Variants in AGO2 observed in about 807,000 individuals in gnomAD.
AGO2 encodes the protein argonaute RISC catalytic component 2.
In AGO2, 5 loss-of-function variants were observed where a neutral mutation model predicts 102.3. The observed-to-expected ratio is 0.05, with a 90% CI of 0.03 to 0.10. The LOEUF is 0.10. AGO2 is among the 10% of genes least tolerant of loss of function. The pLI is 1.00. For missense variants in AGO2, 541 were observed against 1,183.7 expected (o/e 0.46, Z 7.97); for synonymous variants, 449 against 473.1 (o/e 0.95, Z 0.66).
chr8:140,536,651 G>C (rs1407150544), intron 16 of AGO2, among the ~76,000 whole-genome samples: 1 of 152,182 alleles, frequency 6.6e-6, no homozygotes, highest in Non-Finnish European at 1.5e-5. Flanking sequence ...AAGTAGGTTT[G>C]GATTTTGTTC....
At chr8:140,545,086 T>C (rs554199996) in intron 13 of AGO2, among the ~76,000 whole-genome samples, 225 of 152,290 alleles carry the variant, frequency 1.5e-3, no homozygotes, top group African/African-American at 5.1e-3. Flanking sequence ...ACCAGGTACA[T>C]GAGGCCCTCG....
chr8:140,541,193 C>T lies in AGO2; in HGVS notation c.2005G>A (p.Asp669Asn). The stretch of plus-strand genomic sequence containing the variant: ...TGGAACTGGCCTTCAGAGACACCGT[C>T]GCGGTAGAAGATGATGCGGGTGGGC... ...FKPTRIIFYRDGVSEGQFQQV... is the reference protein window; with the variant it reads ...FKPTRIIFYRNGVSEGQFQQV... The change falls in exon 15 of 19, where the codon GAC becomes AAC. Residue 669 changes from aspartate to asparagine, a missense_variant. Asp to Asn is a conservative substitution (Grantham distance 23). This residue lies in a region of AGO2 where 309 missense variants were observed against 735.1 expected (regional missense o/e 0.42). Coordinates refer to ENST00000220592, the MANE Select transcript of AGO2 (RefSeq NM_012154.5). 1.9e-6 allele frequency: 3 copies of T among 1,580,158 alleles called. No individual in the cohort carries two copies. The highest frequency in any genetic ancestry group is 2.6e-6 in the Non-Finnish European group (3 of 1,162,940).
At position 140,521,862 on chromosome 8, in the gene AGO2, A is replaced by G. The variant is rs1419835828; in HGVS notation, c.*10182T>C. ...AGGAAGAGGGGGCATGAATGGCTAG[A>G]AAAGCAATGATGAGGGTACTTGGGA... is the stretch of plus-strand genomic sequence containing the variant. On this transcript the variant is annotated 3_prime_UTR_variant, in exon 19 of 19. Transcript: ENST00000220592. 6.6e-6 allele frequency: 1 copy of G among 152,266 alleles called. No individual in the cohort carries two copies. The highest frequency in any genetic ancestry group is 1.9e-4 in the East Asian group (1 of 5,204). The allele number at this position is 152,266 out of a possible 1,614,324, so 9.4% of individuals were successfully genotyped here. A position where few individuals can be genotyped will look rare whatever the true frequency, so the allele number is the denominator to read the frequency against.
intron 11 of AGO2, among the ~76,000 whole-genome samples, chr8:140,550,316 C>T (rs1031681593): frequency 6.6e-6 from 1 of 152,244 alleles, no homozygotes; most frequent in Non-Finnish European, 1.5e-5. Context: ...GCTGCCCCCA[C>T]AGAGCGGGGA....
Position 140,554,355 on chromosome 8 carries a change from T to G in AGO2, c.1269+1541A>C, listed in dbSNP as rs556765397. On this transcript the variant is annotated intron_variant, in intron 10 of 18. Transcript: ENST00000220592. ...CCTTCAGAGAGACAAGCAGTGGCCA[T>G]GCCCACCACCAGGGACACAGACCCC... Among the ~76,000 whole-genome samples the G allele has an allele frequency of 1.3e-4, 20 of 152,158 alleles. No homozygotes were observed. In the East Asian group the frequency reaches 3.5e-3, roughly 27 times the overall value.
At chr8:140,544,451 A>G in intron 13 of AGO2, 148 bp from the exon 14 acceptor site, 1 of 676,568 alleles carries the variant, frequency 1.5e-6, no homozygotes, top group Admixed American at 3.6e-5. Context: ...GAATACTAAA[A>G]ACCCTGCAGA....
chr8:140,627,159 A>G (rs1377474254), intron 1 of AGO2, among the ~76,000 whole-genome samples: 3 of 152,212 alleles, frequency 2.0e-5, no homozygotes, highest in Non-Finnish European at 2.9e-5. Flanking sequence ...GCAAGACACC[A>G]GAGAAGCCTG....
At chr8:140,551,766 A>T (rs2073003306) in intron 10 of AGO2, among the ~76,000 whole-genome samples, 1 of 128,918 alleles carries the variant, frequency 7.8e-6, no homozygotes. Context: ...TCCGTTGATG[A>T]TCGGTGGATA....
intron 3 of AGO2, among the ~76,000 whole-genome samples, chr8:140,571,479 C>G (rs1024812507): frequency 6.6e-6 from 1 of 152,218 alleles, no homozygotes; most frequent in Non-Finnish European, 1.5e-5. Context: ...GCCTGGGCGA[C>G]AGAGCCAGAC....
At chr8:140,568,674 T>G (rs1434459085) in intron 3 of AGO2, among the ~76,000 whole-genome samples, 2 of 152,216 alleles carry the variant, frequency 1.3e-5, no homozygotes, top group African/African-American at 2.4e-5. Flanking sequence ...CCTGTGACTC[T>G]GTAGGGCAGC....
chr8:140,525,682 A>G lies in AGO2; in HGVS notation c.*6362T>C, dbSNP rs1348642355. On this transcript the variant is annotated 3_prime_UTR_variant, in exon 19 of 19. Coordinates refer to ENST00000220592, the MANE Select transcript of AGO2 (RefSeq NM_012154.5). The stretch of plus-strand genomic sequence containing the variant: ...CCAACATGAGAACGGGGCCACCTCC[A>G]AACACCCAGACACCTCCAACTGTCA... 2 of 152,282 alleles carry G rather than the reference A, an allele frequency of 1.3e-5. No individual in the cohort carries two copies. Among genetic ancestry groups the G allele is most frequent in the African/African-American group, 4.8e-5 (2 of 41,520 alleles). 9.4% of individuals were successfully genotyped at this position (152,282 alleles called of 1,614,324 possible).
intron 17 of AGO2, among the ~76,000 whole-genome samples, chr8:140,533,701 G>GGAGGCT (rs1187859123): frequency 6.6e-6 from 1 of 152,002 alleles, no homozygotes. Flanking sequence ...CAGCTACCCA[G>GGAGGCT]GAGGCTGAGG....
intron 1 of AGO2, among the ~76,000 whole-genome samples, chr8:140,609,135 C>T (rs1280620383): frequency 1.3e-5 from 2 of 152,250 alleles, no homozygotes; most frequent in Non-Finnish European, 2.9e-5. Flanking sequence ...GGGCCACGGG[C>T]TTGTGTACAT....
chr8:140,562,438 G>C lies in AGO2; in HGVS notation c.518+15C>G, dbSNP rs187203773. The C allele has an allele frequency of 6.2e-7, 1 of 1,603,342 alleles. No homozygotes were observed. The highest frequency in any genetic ancestry group is 2.2e-5 in the East Asian group (1 of 44,638). On this transcript the variant is annotated intron_variant, in intron 4 of 18. Transcript: ENST00000220592. ...AGGGGAGTCCCCCGCCCTTGGTCCC[G>C]TGTGGCGCCCTCACCTCATGGATGG...
At chr8:140,626,549 T>G (rs564156852) in intron 1 of AGO2, 5 of 152,194 alleles carry the variant, frequency 3.3e-5, no homozygotes, top group Admixed American at 1.3e-4. Context: ...ACCACCACCA[T>G]GAGGACGAGG....
intron 1 of AGO2, among the ~76,000 whole-genome samples, chr8:140,594,252 C>G (rs551496411): frequency 6.6e-6 from 1 of 152,210 alleles, no homozygotes; most frequent in African/African-American, 2.4e-5. Flanking sequence ...TCAGTCGGAA[C>G]AATTTTCTGA....
chr8:140,641,582 A>G, the AGO2 span, among the ~76,000 whole-genome samples: 1 of 152,180 alleles, frequency 6.6e-6, no homozygotes, highest in South Asian at 2.1e-4. Context: ...ACAATTAAAA[A>G]TAAAAATTTA....
In AGO2 at chr8:140,562,500, C is replaced by T. The variant is rs757374574; in HGVS notation, c.471G>A (p.Glu157=). ...LSGRLPSVPF[E]TIQALDVVMR... is the part of the protein sequence containing the mutation. ...TGACCACGTCCAGGGCCTGGATCGT[C>T]TCAAAAGGGACGCTGGGCAGCCGCC... Residue 157 remains glutamate (E), a synonymous_variant, in exon 4 of 19, where the codon GAG becomes GAA. Coordinates refer to ENST00000220592, the MANE Select transcript of AGO2 (RefSeq NM_012154.5). 2 of 1,613,876 alleles carry T rather than the reference C, an allele frequency of 1.2e-6. No individual in the cohort carries two copies. Among genetic ancestry groups the T allele is most frequent in the East Asian group, 4.5e-5 (2 of 44,880 alleles).
intron 3 of AGO2, among the ~76,000 whole-genome samples, chr8:140,569,781 GTC>G (rs2132968472): frequency 6.6e-6 from 1 of 152,298 alleles, no homozygotes; most frequent in Admixed American, 6.5e-5. Flanking sequence ...GGGAGAACTC[GTC>G]TCTCTTTCCA....
Sources: gnomAD v4.1 joint callset for allele counts (sites outside exome capture counted in the v4.1 genomes callset) on GRCh38, gnomAD v4.1.1 for gene constraint, gnomAD v4.1.1 regional missense constraint, MANE v1.5 for transcripts, NCBI Gene and HGNC (gene_info 2026-07-23, HGNC 2026-07-21) for gene names.